The following NINL variants were observed in gnomAD, a reference collection of about 807,000 sequenced individuals.
NINL encodes ninein like, also known as ninein-like protein.
Under a neutral mutation model 160.3 loss-of-function variants are expected in NINL, and 153 were observed. That is an observed-to-expected ratio of 0.95 (90% CI 0.84 to 1.09). The LOEUF (loss-of-function observed/expected upper bound fraction) is 1.09, where lower values mean the gene tolerates loss of function less well. Ranked by LOEUF, NINL falls within the 50% of genes least tolerant of loss-of-function variation. NINL has a pLI of 0.00. For synonymous variants in NINL, 800 were observed against 734.8 expected (o/e 1.09, Z -1.43); for missense variants, 1,829 against 1,764.0 (o/e 1.04, Z -0.66).
At chr20:25,560,106 C>T (rs144646890) in intron 1 of NINL, among the ~76,000 whole-genome samples, 1 of 152,276 alleles carries the variant, frequency 6.6e-6, no homozygotes, top group East Asian at 1.9e-4. Context: ...TCACAATACT[C>T]AGCTAATTTT....
At chr20:25,553,862 T>C (rs1455500234) in intron 1 of NINL, among the ~76,000 whole-genome samples, 1 of 152,216 alleles carries the variant, frequency 6.6e-6, no homozygotes, top group Non-Finnish European at 1.5e-5. Flanking sequence ...TATTCTGTAC[T>C]TGCTGCCTCC....
chr20:25,479,183 A>C lies in NINL; in HGVS notation c.1941T>G (p.Ile647Met). 1 of 1,608,894 alleles carries C rather than the reference A, an allele frequency of 6.2e-7. No individual in the cohort carries two copies. Among genetic ancestry groups the C allele is most frequent in the Non-Finnish European group, 8.5e-7 (1 of 1,176,544 alleles). The change falls in exon 16 of 24, where the codon ATT becomes ATG. Residue 647 changes from isoleucine (I) to methionine (M), a missense_variant. Ile to Met is a conservative substitution (Grantham distance 10). Transcript: ENST00000278886. ...ETKVNYYERE[I>M]AALKRNFEKE... Reference sequence around the variant, plus strand: ...TCTCAAAGTTCCTTTTCAGTGCCGCAATTTCCCTTTCGTAGTAATTTACCT... The same window carrying C: ...TCTCAAAGTTCCTTTTCAGTGCCGCCATTTCCCTTTCGTAGTAATTTACCT...
rs2274727 is a variant in NINL, at chr20:25,574,697, G to T, written c.-12+10758C>A. Among the ~76,000 whole-genome samples the T allele has an allele frequency of 1.3e-3, 191 of 152,290 alleles. 3 individuals carry two copies. The East Asian group carries it at 0.017, about 13-fold the overall frequency. Reference sequence around the variant, plus strand: ...GGAGGAAACAGAGGAAGCACAGATTGGCATGGTAGATAGAGGTGCAGACAG... The same window carrying T: ...GGAGGAAACAGAGGAAGCACAGATTTGCATGGTAGATAGAGGTGCAGACAG... On this transcript the variant is annotated intron_variant, in intron 1 of 23. Transcript: ENST00000278886.
At chr20:25,473,086 T>C (rs1386946484) in intron 17 of NINL, among the ~76,000 whole-genome samples, 1 of 152,156 alleles carries the variant, frequency 6.6e-6, no homozygotes, top group Non-Finnish European at 1.5e-5. Context: ...ACAACCAGGT[T>C]GAGCCAAGAA....
chr20:25,488,950 C>G, intron 13 of NINL: 1 of 424,602 alleles, frequency 2.4e-6, no homozygotes. Flanking sequence ...ACTCCTATGT[C>G]TCCAACTGAC....
At chr20:25,457,826 A>ACCCAT (rs905642677) in intron 22 of NINL, among the ~76,000 whole-genome samples, 2 of 152,208 alleles carry the variant, frequency 1.3e-5, no homozygotes. Context: ...AAAGTCGCCA[A>ACCCAT]CCCATTGATG....
intron 13 of NINL, among the ~76,000 whole-genome samples, chr20:25,487,449 C>A (rs2063525765): frequency 1.3e-5 from 2 of 152,166 alleles, no homozygotes; most frequent in Admixed American, 1.3e-4. Flanking sequence ...ATACAGGGTT[C>A]TGTTAGAATA....
At position 25,467,388 on chromosome 20, in the gene NINL, C is replaced by T. The variant is rs761156625; in HGVS notation, c.3423+1G>A. ...CTCCATGCCAGGCGTCGATACGTCA[C>T]CTGTCTGTTGAGCACCTCCATCTCA... On this transcript the variant is annotated splice_donor_variant, in intron 19 of 23. Coordinates refer to ENST00000278886, the MANE Select transcript of NINL (RefSeq NM_025176.6). LOFTEE classifies it high-confidence loss of function. The T allele has an allele frequency of 1.2e-6, 2 of 1,611,980 alleles. No individual in the cohort carries two copies. Among genetic ancestry groups the T allele is most frequent in the Admixed American group, 3.3e-5 (2 of 60,028 alleles).
chr20:25,550,718 C>A (rs1261747065), intron 1 of NINL, among the ~76,000 whole-genome samples: 1 of 152,186 alleles, frequency 6.6e-6, no homozygotes, highest in Non-Finnish European at 1.5e-5. Context: ...CAGTAAAGAG[C>A]AGTATTGCTG....
At chr20:25,499,537 C>T (rs1297808162) in intron 8 of NINL, among the ~76,000 whole-genome samples, 1 of 152,098 alleles carries the variant, frequency 6.6e-6, no homozygotes, top group East Asian at 1.9e-4. Flanking sequence ...AACCGAGAGA[C>T]TTGTGCTCTC....
chr20:25,575,192 T>C lies in NINL; in HGVS notation c.-12+10263A>G, dbSNP rs567991469. 7.9e-5 allele frequency among the ~76,000 whole-genome samples: 12 copies of C among 152,232 alleles called. 1 individual carries two copies. The East Asian group carries it at 2.1e-3, about 27-fold the overall frequency. The stretch of plus-strand genomic sequence containing the variant: ...GGCCAGGTGCGGTGGCTCACACCTG[T>C]AATCCCAGCACTTTGGGAGGCCGAG... On this transcript the variant is annotated intron_variant, in intron 1 of 23. Transcript: ENST00000278886.
At chr20:25,498,071 C>T (rs1601153628) in intron 9 of NINL, 139 bp downstream of exon 9, 1 of 1,033,790 alleles carries the variant, frequency 9.7e-7, no homozygotes, top group South Asian at 1.5e-5. Flanking sequence ...ACGGGACAGA[C>T]AGTGTGCAGA....
intron 5 of NINL, among the ~76,000 whole-genome samples, chr20:25,506,837 C>T (rs995185324): frequency 6.6e-6 from 1 of 152,202 alleles, no homozygotes; most frequent in African/African-American, 2.4e-5. Flanking sequence ...TCTGGGGTAT[C>T]TGAAATCGCA....
chr20:25,556,055 A>T lies in NINL; in HGVS notation c.-12+29400T>A, dbSNP rs756405336. Among the ~76,000 whole-genome samples, 35 of 152,150 alleles carry T rather than the reference A, an allele frequency of 2.3e-4. 1 individual carries two copies. Among genetic ancestry groups the T allele is most frequent in the South Asian group, 4.1e-4 (2 of 4,822 alleles). ...CAACACTTTGGGAGGCCAAGGCAGG[A>T]GGATTGCTTGAGCCCAGAAGTTCAA... is the stretch of plus-strand genomic sequence containing the variant. On this transcript the variant is annotated intron_variant, in intron 1 of 23. Transcript: ENST00000278886.
In NINL at chr20:25,550,489, C is replaced by T. The variant is rs570756749; in HGVS notation, c.-11-23891G>A. On this transcript the variant is annotated intron_variant, in intron 1 of 23. Transcript: ENST00000278886. ...GCGCTCCGCAAGCAAGGACCTGCAC[C>T]GGCACTGGTCTCTGAGTTCCCTCAG... Among the ~76,000 whole-genome samples the T allele has an allele frequency of 2.6e-5, 4 of 151,942 alleles. No individual in the cohort carries two copies. In the East Asian group the frequency reaches 5.8e-4, roughly 22 times the overall value.
chr20:25,477,533 T>C (rs1351017299), intron 16 of NINL, among the ~76,000 whole-genome samples: 1 of 152,216 alleles, frequency 6.6e-6, no homozygotes, highest in African/African-American at 2.4e-5. Context: ...CTGAAGCTGC[T>C]GGGCCTTGGG....
chr20:25,453,392 G>A lies in NINL; in HGVS notation c.*59C>T, dbSNP rs2090579519. 6.8e-7 allele frequency: 1 copy of A among 1,474,424 alleles called. No homozygotes were observed. The allele number at this position is 1,474,424 out of a possible 1,614,324, so 91.3% of individuals were successfully genotyped here. ...CTCATGACCCACGGAATCTAAGGCA[G>A]CACAGTGGCTTAATTTAAAAGATGT... On this transcript the variant is annotated 3_prime_UTR_variant, in exon 24 of 24. Coordinates refer to ENST00000278886, the MANE Select transcript of NINL (RefSeq NM_025176.6).
At position 25,510,286 on chromosome 20, in the gene NINL, C is replaced by T. The variant is rs142041349; in HGVS notation, c.517+388G>A. ...AAGGGAGAGGCTGTATCTAGCCCAG[C>T]GTGCCAGGAAGGAGGTGCAGGGGCA... On this transcript the variant is annotated intron_variant, in intron 5 of 23. Coordinates refer to ENST00000278886, the MANE Select transcript of NINL (RefSeq NM_025176.6). Among the ~76,000 whole-genome samples the T allele has an allele frequency of 6.0e-3, 907 of 152,314 alleles. 10 individuals carry two copies. Among genetic ancestry groups the T allele is most frequent in the African/African-American group, 0.02 (851 of 41,566 alleles).
chr20:25,537,458 G>A (rs1399374339), intron 1 of NINL, among the ~76,000 whole-genome samples: 1 of 152,222 alleles, frequency 6.6e-6, no homozygotes, highest in African/African-American at 2.4e-5. Flanking sequence ...ATGGGTCAAC[G>A]AGCAGCGCAC....
Sources: gnomAD v4.1 joint callset for allele counts (sites outside exome capture counted in the v4.1 genomes callset) on GRCh38, gnomAD v4.1.1 for gene constraint, MANE v1.5 for transcripts, NCBI Gene and HGNC (gene_info 2026-07-23, HGNC 2026-07-21) for gene names.